The following KIAA0232 variants were observed in gnomAD, a reference collection of about 807,000 sequenced individuals.
KIAA0232 encodes KIAA0232, also known as uncharacterized protein KIAA0232.
A neutral mutation model predicts 122.0 loss-of-function variants in KIAA0232; 27 were observed. That is an observed-to-expected ratio of 0.22 (90% CI 0.16 to 0.31). KIAA0232 has a LOEUF of 0.31. Among genes scored for constraint, KIAA0232 ranks in the 10% least tolerant of loss-of-function variants. KIAA0232 has a pLI of 1.00. For synonymous variants in KIAA0232, 613 were observed against 587.6 expected, an observed-to-expected ratio of 1.04 and a Z score of -0.63; for missense variants, 1,551 against 1,634.2, an observed-to-expected ratio of 0.95 and a Z score of 0.88.
chr4:6,876,753 ATAGGG>A lies in KIAA0232; in HGVS notation c.4007_4008+3del, dbSNP rs762596378. 1 of 1,601,926 alleles carries A rather than the reference ATAGGG, an allele frequency of 6.2e-7. No homozygotes were observed. Among genetic ancestry groups the A allele is most frequent in the South Asian group, 1.1e-5 (1 of 90,846 alleles). On this transcript the variant is annotated splice_donor_variant and coding_sequence_variant, in exon 9 of 10. Coordinates refer to ENST00000307659, the MANE Select transcript of KIAA0232 (RefSeq NM_014743.3). LOFTEE classifies it high-confidence loss of function. The stretch of plus-strand genomic sequence containing the variant: ...AATGAAGAGCGCCTGTTAGATTTTA[ATAGGG>A]TAAGTGGACTGTCCTCCTCCTCGTC...
intron 2 of KIAA0232, among the ~76,000 whole-genome samples, chr4:6,808,715 A>G (rs1717747934): frequency 6.6e-6 from 1 of 152,080 alleles, no homozygotes; most frequent in Non-Finnish European, 1.5e-5. Context: ...CTGTGGACTC[A>G]GAGTGTGATC....
At chr4:6,790,585 A>G (rs1453289962) in intron 1 of KIAA0232, among the ~76,000 whole-genome samples, 1 of 151,656 alleles carries the variant, frequency 6.6e-6, no homozygotes, top group Non-Finnish European at 1.5e-5. Flanking sequence ...GGGTTTTGCC[A>G]TGTTGCCCAG....
intron 9 of KIAA0232, among the ~76,000 whole-genome samples, chr4:6,878,493 A>G (rs777823266): frequency 6.6e-6 from 1 of 152,248 alleles, no homozygotes; most frequent in Admixed American, 6.5e-5. Context: ...ACAAGTGTAT[A>G]CATGCACAAA....
rs765469831 is a variant in KIAA0232, at chr4:6,862,063, C to G, written c.1681C>G (p.Gln561Glu). The G allele has an allele frequency of 6.2e-6, 10 of 1,614,154 alleles. No homozygotes were observed. Among genetic ancestry groups the G allele is most frequent in the Non-Finnish European group, 8.5e-6 (10 of 1,180,030 alleles). The change falls in exon 7 of 10, where the codon CAA (glutamine) becomes GAA (glutamate). Residue 561 changes from glutamine (Q) to glutamate (E), a missense_variant. By Grantham distance (29) the Gln-to-Glu change is conservative. Coordinates refer to ENST00000307659, the MANE Select transcript of KIAA0232 (RefSeq NM_014743.3). Reference sequence around the variant, plus strand: ...CATAGTGTTAGATGGTATGGAGTTGCAAGGGGAACGTGCAATATGGACAGA... The same window carrying G: ...CATAGTGTTAGATGGTATGGAGTTGGAAGGGGAACGTGCAATATGGACAGA... ...CCIVLDGMELQGERAIWTDST... is the reference protein window; with the variant it reads ...CCIVLDGMELEGERAIWTDST...
chr4:6,873,333 G>C (rs1453835716), intron 8 of KIAA0232, among the ~76,000 whole-genome samples: 3 of 152,248 alleles, frequency 2.0e-5, no homozygotes, highest in Non-Finnish European at 4.4e-5. Flanking sequence ...TACCAAGGTA[G>C]ATGCCAGGGC....
intron 8 of KIAA0232, among the ~76,000 whole-genome samples, 188 bp from the exon 9 acceptor site, chr4:6,876,472 C>T (rs1179157014): frequency 6.6e-6 from 1 of 152,090 alleles, no homozygotes; most frequent in African/African-American, 2.4e-5. Context: ...GTCAGCATAG[C>T]GTTTTTTTTC....
intron 1 of KIAA0232, among the ~76,000 whole-genome samples, chr4:6,804,279 G>A (rs985924658): frequency 1.3e-5 from 2 of 152,160 alleles, no homozygotes; most frequent in African/African-American, 4.8e-5. Context: ...CCCCTGGAGT[G>A]CTCCCTCTTG....
At chr4:6,839,427 G>GA (rs1388207331) in intron 3 of KIAA0232, among the ~76,000 whole-genome samples, 3 of 152,176 alleles carry the variant, frequency 2.0e-5, no homozygotes, top group Non-Finnish European at 4.4e-5. Context: ...ATGGAATAGA[G>GA]AAGTTTTAAA....
At chr4:6,811,006 A>G (rs1717851923) in intron 2 of KIAA0232, among the ~76,000 whole-genome samples, 2 of 152,216 alleles carry the variant, frequency 1.3e-5, no homozygotes, top group Admixed American at 6.5e-5. Flanking sequence ...TGGTGGGAAT[A>G]TAAATTAGTA....
At chr4:6,786,478 A>G (rs1716622767) in intron 1 of KIAA0232, among the ~76,000 whole-genome samples, 1 of 151,962 alleles carries the variant, frequency 6.6e-6, no homozygotes, top group African/African-American at 2.4e-5. Context: ...AATTAAAACA[A>G]TTTGTTTTTT....
At chr4:6,818,516 A>G (rs1157725195) in intron 2 of KIAA0232, among the ~76,000 whole-genome samples, 1 of 151,876 alleles carries the variant, frequency 6.6e-6, no homozygotes, top group Non-Finnish European at 1.5e-5. Context: ...ACCTAGGAGT[A>G]CATCTCACGA....
At chr4:6,792,484 G>A (rs1317034747) in intron 1 of KIAA0232, among the ~76,000 whole-genome samples, 1 of 151,916 alleles carries the variant, frequency 6.6e-6, no homozygotes, top group South Asian at 2.1e-4. Context: ...CTTTTGTTAA[G>A]GCCGGATGTT....
intron 2 of KIAA0232, among the ~76,000 whole-genome samples, chr4:6,818,140 C>A (rs762535858): frequency 3.3e-5 from 5 of 152,068 alleles, no homozygotes; most frequent in Non-Finnish European, 7.3e-5. Context: ...AAGTGGCTCA[C>A]GCCTGTAATT....
intron 7 of KIAA0232, among the ~76,000 whole-genome samples, chr4:6,867,972 A>C (rs1422647995): frequency 6.6e-6 from 1 of 152,164 alleles, no homozygotes; most frequent in Non-Finnish European, 1.5e-5. Flanking sequence ...GTATCTCTTC[A>C]TTGATGTTTC....
At chr4:6,788,213 T>C (rs1259140296) in intron 1 of KIAA0232, among the ~76,000 whole-genome samples, 1 of 152,060 alleles carries the variant, frequency 6.6e-6, no homozygotes, top group Non-Finnish European at 1.5e-5. Flanking sequence ...AGATGGGGTT[T>C]TGCTCTGTTG....
rs111362007 is a variant in KIAA0232 at position 6,825,572 on chromosome 4, CGAGAGAGAGA to C, written c.231+901_231+910del. 4.0e-4 allele frequency among the ~76,000 whole-genome samples: 59 copies of C among 147,262 alleles called. No individual in the cohort carries two copies. In the South Asian group the frequency reaches 0.012, roughly 29 times the overall value. ...CCTGTCTCTCTCTCGCACGCATACA[CGAGAGAGAGA>C]GAGAGAGAGAGAAAGAGAAAGCAAG... is the stretch of plus-strand genomic sequence containing the variant. On this transcript the variant is annotated intron_variant, in intron 3 of 9. Coordinates refer to ENST00000307659, the MANE Select transcript of KIAA0232 (RefSeq NM_014743.3).
At chr4:6,820,053 A>G (rs1358962458) in intron 2 of KIAA0232, among the ~76,000 whole-genome samples, 1 of 152,180 alleles carries the variant, frequency 6.6e-6, no homozygotes, top group Non-Finnish European at 1.5e-5. Context: ...AACATCAGTT[A>G]CTTGTGGATG....
chr4:6,880,424 T>A (rs995580628), intron 9 of KIAA0232, among the ~76,000 whole-genome samples: 4 of 151,908 alleles, frequency 2.6e-5, no homozygotes, highest in Middle Eastern at 3.2e-3. Flanking sequence ...CATGTTGGTT[T>A]GCTCGTTCAT....
intron 3 of KIAA0232, among the ~76,000 whole-genome samples, chr4:6,837,309 A>G (rs1267920049): frequency 2.9e-5 from 4 of 139,746 alleles, no homozygotes; most frequent in South Asian, 4.6e-4. Context: ...TCAGTTCCCA[A>G]ATGGGGTCGC....
Sources: gnomAD v4.1 joint callset for allele counts (sites outside exome capture counted in the v4.1 genomes callset) on GRCh38, gnomAD v4.1.1 for gene constraint, MANE v1.5 for transcripts, NCBI Gene and HGNC (gene_info 2026-07-23, HGNC 2026-07-21) for gene names.